Variants in MTMR8 observed in about 807,000 individuals in gnomAD.
The protein encoded by MTMR8 is phosphatidylinositol-3,5-bisphosphate 3-phosphatase MTMR8.
A neutral mutation model predicts 39.3 loss-of-function variants in MTMR8; 65 were observed. The ratio of observed to expected loss-of-function variants is 1.65; its 90% confidence interval spans 1.35 to 2.03. The LOEUF (loss-of-function observed/expected upper bound fraction) is 2.03, where lower values mean the gene tolerates loss of function less well. MTMR8 is among the 30% of genes most tolerant of loss of function. The pLI is 0.00. For synonymous variants in MTMR8, 245 were observed against 185.2 expected (o/e 1.32, Z -2.62); for missense variants, 777 against 538.9 (o/e 1.44, Z -4.37).
chrX:64,293,710 G>A (rs1388263915), intron 12 of MTMR8, among the ~76,000 whole-genome samples: 1 of 111,115 alleles, frequency 9.0e-6, no homozygotes, highest in Non-Finnish European at 1.9e-5. Context: ...GGACATGGGT[G>A]CCCAAATCTC....
intron 12 of MTMR8, among the ~76,000 whole-genome samples, chrX:64,294,372 T>C (rs1921496184): frequency 9.0e-6 from 1 of 111,726 alleles, no homozygotes; most frequent in Non-Finnish European, 1.9e-5. Flanking sequence ...ACCTATGGGA[T>C]ACTCAAATAG....
chrX:64,369,618 G>A (rs1924075048), intron 1 of MTMR8, among the ~76,000 whole-genome samples: 1 of 110,816 alleles, frequency 9.0e-6, no homozygotes, highest in Non-Finnish European at 1.9e-5. Context: ...CTATCATGGA[G>A]GAGGGGGCAG....
chrX:64,284,583 C>G (rs1235780530), intron 12 of MTMR8, among the ~76,000 whole-genome samples: 1 of 111,488 alleles, frequency 9.0e-6, no homozygotes, highest in Non-Finnish European at 1.9e-5. Context: ...AGAAAGGTCA[C>G]ATTACCCACA....
intron 1 of MTMR8, among the ~76,000 whole-genome samples, chrX:64,364,871 T>C (rs150072341): frequency 0.019 from 2,162 of 111,239 alleles, 37 homozygotes; most frequent in Middle Eastern, 0.051. Context: ...TGAAAAAAGA[T>C]TAGACGAATG....
intron 11 of MTMR8, among the ~76,000 whole-genome samples, chrX:64,330,930 A>G (rs1922923006): frequency 8.9e-6 from 1 of 111,870 alleles, no homozygotes; most frequent in Admixed American, 9.5e-5. Context: ...ACTAGGCATA[A>G]GAATGACACA....
At chrX:64,296,015 A>G (rs774027426) in intron 12 of MTMR8, among the ~76,000 whole-genome samples, 5 of 112,422 alleles carry the variant, frequency 4.4e-5, no homozygotes, top group Non-Finnish European at 9.4e-5. Context: ...ACCAATATTC[A>G]TAGACAAATT....
rs149513027 is a variant in MTMR8 at position 64,386,373 on chromosome X, G to A, written c.24+8967C>T. ...TACAAGGGGCCAGCTATAGAAAGGA[G>A]GGAGCAAGGTGGGACAAGGCCAGAG... On this transcript the variant is annotated intron_variant, in intron 1 of 13. Coordinates refer to ENST00000374852, the MANE Select transcript of MTMR8 (RefSeq NM_017677.4). Among the ~76,000 whole-genome samples, 117 of 112,092 alleles carry A rather than the reference G, an allele frequency of 1.0e-3. 1 individual carries two copies. The highest frequency in any genetic ancestry group is 3.7e-3 in the African/African-American group (113 of 30,850).
At chrX:64,365,513 C>T (rs760512926) in intron 1 of MTMR8, among the ~76,000 whole-genome samples, 11 of 111,718 alleles carry the variant, frequency 9.8e-5, no homozygotes, top group Non-Finnish European at 2.1e-4. Flanking sequence ...CCAAACTAAG[C>T]TTCATAAGTG....
intron 13 of MTMR8, among the ~76,000 whole-genome samples, chrX:64,270,488 A>G (rs1931735008): frequency 8.9e-6 from 1 of 112,489 alleles, no homozygotes; most frequent in African/African-American, 3.2e-5. Context: ...TAATTAAAAA[A>G]CAAGTGTCCA....
chrX:64,279,261 C>A (rs774211132), intron 12 of MTMR8, among the ~76,000 whole-genome samples: 1 of 111,990 alleles, frequency 8.9e-6, no homozygotes, highest in East Asian at 2.8e-4. Flanking sequence ...GCCAGAGTTA[C>A]CCTTATACCA....
At chrX:64,325,982 C>T (rs1922779051) in intron 12 of MTMR8, among the ~76,000 whole-genome samples, 1 of 111,614 alleles carries the variant, frequency 9.0e-6, no homozygotes, top group African/African-American at 3.3e-5. Flanking sequence ...ACCAGTAGCC[C>T]ACTGTTGACC....
At chrX:64,351,137 T>A (rs1036676043) in intron 4 of MTMR8, among the ~76,000 whole-genome samples, 5 of 110,889 alleles carry the variant, frequency 4.5e-5, no homozygotes, top group African/African-American at 1.6e-4. Flanking sequence ...GCTTAGAAGG[T>A]TATACACATC....
At position 64,354,798 on chromosome X, in the gene MTMR8, T is replaced by C. The variant is rs368039868; in HGVS notation, c.447A>G (p.Thr149=). Residue 149 remains threonine, a synonymous_variant, in exon 4 of 14, where the codon ACA becomes ACG. Coordinates refer to ENST00000374852, the MANE Select transcript of MTMR8 (RefSeq NM_017677.4). ...MGIPNRNWTI[T]DANRNYEICS... ...TTACCTCATAGTTTCTGTTGGCATC[T>C]GTTATGGTCCAGTTTCTGTTGGGTA... 564 of 1,190,869 alleles carry C rather than the reference T, an allele frequency of 4.7e-4. No individual in the cohort carries two copies. The highest frequency in any genetic ancestry group is 6.2e-4 in the Non-Finnish European group (552 of 887,208).
intron 12 of MTMR8, among the ~76,000 whole-genome samples, chrX:64,302,395 G>A (rs1362849840): frequency 3.6e-5 from 4 of 112,636 alleles, no homozygotes; most frequent in African/African-American, 6.4e-5. Context: ...GCGCTTCCCA[G>A]GTGAGGCAAT....
At position 64,359,442 on chromosome X, in the gene MTMR8, T is replaced by C; in HGVS notation, c.110A>G (p.Tyr37Cys). 2 of 1,207,834 alleles carry C rather than the reference T, an allele frequency of 1.7e-6. No individual in the cohort carries two copies. Among genetic ancestry groups the C allele is most frequent in the Non-Finnish European group, 2.2e-6 (2 of 892,991 alleles). ...CCGGGCTGCACCTGAAGCCTCCACA[T>C]AGATCAGGTGGGTTGCAGTAAGATA... ...ILYLTATHLIYVEASGAARKE... is the reference protein window; with the variant it reads ...ILYLTATHLICVEASGAARKE... Residue 37 changes from tyrosine to cysteine, a missense_variant, in exon 2 of 14, where the codon TAT (tyrosine) becomes TGT (cysteine). Transcript: ENST00000374852.
chrX:64,301,090 G>A (rs1389684865), intron 12 of MTMR8, among the ~76,000 whole-genome samples: 8 of 106,007 alleles, frequency 7.5e-5, no homozygotes, highest in African/African-American at 2.4e-4. Flanking sequence ...TCTTTGTGGC[G>A]TTCTCTGTAT....
rs142894707 is a variant in MTMR8, at chrX:64,295,351, C to A, written c.1482-24278G>T. ...TTTTTCTCTCACAAGATTTACAAGA[C>A]TAAAACTGTAAAATTCTTAGAAGAG... On this transcript the variant is annotated intron_variant, in intron 12 of 13. Coordinates refer to ENST00000374852, the MANE Select transcript of MTMR8 (RefSeq NM_017677.4). Among the ~76,000 whole-genome samples the A allele has an allele frequency of 9.7e-3, 1,074 of 110,964 alleles. 16 individuals carry two copies. Among genetic ancestry groups the A allele is most frequent in the African/African-American group, 0.032 (966 of 30,560 alleles).
At chrX:64,328,134 C>T (rs937303381) in intron 12 of MTMR8, among the ~76,000 whole-genome samples, 46 of 111,842 alleles carry the variant, frequency 4.1e-4, no homozygotes, top group Non-Finnish European at 5.7e-4. Flanking sequence ...AAGCTTTCCC[C>T]CTAAAATCAG....
At chrX:64,385,203 T>C (rs766604743) in intron 1 of MTMR8, among the ~76,000 whole-genome samples, 1 of 112,502 alleles carries the variant, frequency 8.9e-6, no homozygotes. Flanking sequence ...GCATAACACA[T>C]GTGACTATTG....
Sources: allele counts gnomAD v4.1 joint callset (sites outside exome capture counted in the v4.1 genomes callset), GRCh38; gene constraint gnomAD v4.1.1; transcripts MANE v1.5; gene names NCBI Gene and HGNC (gene_info 2026-07-23, HGNC 2026-07-21).